The following ASTN2 variants were observed in gnomAD, a reference collection of about 807,000 sequenced individuals.
ASTN2 encodes astrotactin 2.
ASTN2 carries 54 observed loss-of-function variants against 139.8 expected under a neutral mutation model. The observed-to-expected ratio is 0.39, with a 90% CI of 0.31 to 0.48. The LOEUF is 0.48. Among genes scored for constraint, ASTN2 ranks in the 20% least tolerant of loss-of-function variants. The pLI is 0.95. For missense variants in ASTN2, 1,565 were observed against 1,725.1 expected (o/e 0.91, Z 1.64); for synonymous variants, 756 against 719.5 (o/e 1.05, Z -0.81).
In ASTN2 at chr9:117,414,491, C is replaced by G. The variant is rs775019082; in HGVS notation, c.442+6G>C. On this transcript the variant is annotated splice_donor_region_variant and intron_variant, in intron 1 of 22. Coordinates refer to ENST00000313400, the MANE Select transcript of ASTN2 (RefSeq NM_001365068.1). The surrounding 1 kb of genome is among the most constrained non-coding windows in gnomAD (Gnocchi z 4.2). Reference sequence around the variant, plus strand: ...GGATCTAGCGCGTGCCGGCGCCCAGCCTTACCCAGGGTGAAGAAGGGCAGC... The same window carrying G: ...GGATCTAGCGCGTGCCGGCGCCCAGGCTTACCCAGGGTGAAGAAGGGCAGC... 7.5e-6 allele frequency: 12 copies of G among 1,608,390 alleles called. No homozygotes were observed. Among genetic ancestry groups the G allele is most frequent in the Non-Finnish European group, 7.6e-6 (9 of 1,177,868 alleles).
intron 10 of ASTN2, among the ~76,000 whole-genome samples, chr9:116,966,727 TGTGGA>T (rs1183823426): frequency 1.3e-5 from 2 of 148,728 alleles, no homozygotes; most frequent in Non-Finnish European, 3.0e-5. Flanking sequence ...AAAGGAGGGA[TGTGGA>T]GGTACCACGA....
intron 7 of ASTN2, among the ~76,000 whole-genome samples, chr9:116,993,289 C>T (rs998989824): frequency 1.3e-5 from 2 of 152,124 alleles, no homozygotes; most frequent in Non-Finnish European, 2.9e-5. Flanking sequence ...GGCACAATCA[C>T]CCCTGTGAGC....
At chr9:116,700,080 C>G (rs1861097209) in intron 16 of ASTN2, 2 of 311,984 alleles carry the variant, frequency 6.4e-6, no homozygotes, top group Non-Finnish European at 6.4e-6. Flanking sequence ...GCCCTTGATC[C>G]ATTGTTTCCT....
At chr9:117,086,480 A>T (rs1828564944) in intron 5 of ASTN2, among the ~76,000 whole-genome samples, 1 of 152,178 alleles carries the variant, frequency 6.6e-6, no homozygotes, top group South Asian at 2.1e-4. Flanking sequence ...AGGCTGAGGC[A>T]GGAGAATCGC....
intron 4 of ASTN2, among the ~76,000 whole-genome samples, chr9:117,129,804 T>C (rs1385618856): frequency 6.6e-6 from 1 of 152,210 alleles, no homozygotes; most frequent in African/African-American, 2.4e-5. Context: ...TAATTAATAA[T>C]ACTCTCTATT....
At chr9:116,891,240 A>C (rs1404235451) in intron 10 of ASTN2, among the ~76,000 whole-genome samples, 1 of 152,210 alleles carries the variant, frequency 6.6e-6, no homozygotes, top group Admixed American at 6.5e-5. Context: ...CTGCTGAAAG[A>C]AAATCGGGCA....
intron 11 of ASTN2, among the ~76,000 whole-genome samples, chr9:116,847,508 ATACC>A (rs1403356900): frequency 3.9e-5 from 6 of 152,220 alleles, no homozygotes; most frequent in Admixed American, 3.9e-4. Context: ...TGTCTATTCA[ATACC>A]TATCTGGTGA....
At chr9:116,522,501 TG>T (rs1850919658) in intron 19 of ASTN2, among the ~76,000 whole-genome samples, 1 of 151,950 alleles carries the variant, frequency 6.6e-6, no homozygotes, top group Admixed American at 6.6e-5. Context: ...CATTGGACTT[TG>T]GGGACTTGGG....
intron 5 of ASTN2, among the ~76,000 whole-genome samples, chr9:117,090,376 T>A (rs1396675260): frequency 2.0e-5 from 3 of 152,164 alleles, no homozygotes; most frequent in African/African-American, 7.2e-5. Flanking sequence ...CCTTCCACTC[T>A]CCATATTGAT....
chr9:116,502,198 A>G (rs1169586016), intron 19 of ASTN2, among the ~76,000 whole-genome samples: 4 of 151,978 alleles, frequency 2.6e-5, no homozygotes, highest in Non-Finnish European at 5.9e-5. Context: ...AGAGACAGAG[A>G]GACAGGGACA....
At chr9:117,013,100 T>C (rs1837579693) in intron 6 of ASTN2, among the ~76,000 whole-genome samples, 1 of 152,096 alleles carries the variant, frequency 6.6e-6, no homozygotes, top group South Asian at 2.1e-4. Flanking sequence ...CATTTAACTC[T>C]ACAATCACTG....
At chr9:116,529,006 G>C (rs544839213) in intron 19 of ASTN2, among the ~76,000 whole-genome samples, 98 of 152,346 alleles carry the variant, frequency 6.4e-4, no homozygotes, top group African/African-American at 2.2e-3. Context: ...AGGCAATGCA[G>C]AGGGGAAATG....
At position 116,638,129 on chromosome 9, in the gene ASTN2, G is replaced by A. The variant is rs115272826; in HGVS notation, c.3072+13399C>T. ...TAAACCCTTCTATTTCTTTCTTCTC[G>A]TAGCCTCTGTTGTGATCAAAAAATA... On this transcript the variant is annotated intron_variant, in intron 17 of 22. Transcript: ENST00000313400. 6.6e-3 allele frequency among the ~76,000 whole-genome samples: 1,006 copies of A among 152,218 alleles called. 11 individuals carry two copies. The highest frequency in any genetic ancestry group is 0.02 in the African/African-American group (829 of 41,516).
At chr9:116,825,626 CT>C in intron 11 of ASTN2, among the ~76,000 whole-genome samples, 1 of 152,242 alleles carries the variant, frequency 6.6e-6, no homozygotes. Context: ...TTTGAGGCAG[CT>C]TTTCCAGTCA....
At chr9:117,031,709 G>T (rs1012838599) in intron 6 of ASTN2, among the ~76,000 whole-genome samples, 7 of 152,100 alleles carry the variant, frequency 4.6e-5, no homozygotes, top group Non-Finnish European at 8.8e-5. Flanking sequence ...GTGGGAAGAA[G>T]TTTTCAGGCA....
intron 19 of ASTN2, among the ~76,000 whole-genome samples, chr9:116,500,297 G>A (rs1849810833): frequency 1.3e-5 from 2 of 152,172 alleles, no homozygotes; most frequent in Admixed American, 6.5e-5. Context: ...ATGATGAGGT[G>A]GGCACAGCAC....
At chr9:116,580,930 A>G (rs528890729) in intron 19 of ASTN2, among the ~76,000 whole-genome samples, 12 of 152,240 alleles carry the variant, frequency 7.9e-5, no homozygotes, top group Non-Finnish European at 1.6e-4. Context: ...TTGTGAAAGC[A>G]TCAGTTGAGG....
chr9:116,973,217 T>C (rs1240634599), intron 10 of ASTN2, among the ~76,000 whole-genome samples: 1 of 152,160 alleles, frequency 6.6e-6, no homozygotes, highest in African/African-American at 2.4e-5. Flanking sequence ...ATCTGAAAAA[T>C]GAGCATCACC....
At chr9:117,342,796 C>T (rs932925131) in intron 1 of ASTN2, among the ~76,000 whole-genome samples, 5 of 152,098 alleles carry the variant, frequency 3.3e-5, no homozygotes, top group East Asian at 1.9e-4. Context: ...AATAACAATG[C>T]GGACCAGGAA....
Sources: gnomAD v4.1 joint callset for allele counts (sites outside exome capture counted in the v4.1 genomes callset) on GRCh38, gnomAD v4.1.1 for gene constraint, Gnocchi (gnomAD v3.1) non-coding constraint, MANE v1.5 for transcripts, NCBI Gene and HGNC (gene_info 2026-07-23, HGNC 2026-07-21) for gene names.